LANCL2: variants seen among roughly 807,000 people sequenced by gnomAD.
The protein encoded by LANCL2 is lanC-like protein 2.
A neutral mutation model predicts 56.9 loss-of-function variants in LANCL2; 33 were observed. That is an observed-to-expected ratio of 0.58 (90% CI 0.44 to 0.78). The LOEUF is 0.78. Ranked by LOEUF, LANCL2 falls within the 30% of genes least tolerant of loss-of-function variation. The probability of loss-of-function intolerance (pLI) is 0.00; values close to 1 mark genes in which losing one functional copy is unlikely to be tolerated. For missense variants in LANCL2, 562 were observed against 580.2 expected, an observed-to-expected ratio of 0.97 and a Z score of 0.32; for synonymous variants, 233 against 228.2, an observed-to-expected ratio of 1.02 and a Z score of -0.19.
At chr7:55,381,233 C>A (rs1388487469) in intron 1 of LANCL2, among the ~76,000 whole-genome samples, 1 of 152,096 alleles carries the variant, frequency 6.6e-6, no homozygotes, top group Non-Finnish European at 1.5e-5. Context: ...TTTCTGTGTC[C>A]ACGTCTTTTA....
chr7:55,379,663 A>T (rs1790043553), intron 1 of LANCL2: 1 of 152,724 alleles, frequency 6.5e-6, no homozygotes. Flanking sequence ...CCAAAGGTCA[A>T]GACACAGGAG....
chr7:55,389,622 T>TGTCGCACCACTGCAC (rs1321339568), intron 1 of LANCL2, among the ~76,000 whole-genome samples: 306 of 152,336 alleles, frequency 2.0e-3, no homozygotes, highest in African/African-American at 6.9e-3. Context: ...CAGGAATTTC[T>TGTCGCACCACTGCAC]TCCTATTTAC....
At chr7:55,386,558 A>G (rs1790128352) in intron 1 of LANCL2, among the ~76,000 whole-genome samples, 1 of 152,156 alleles carries the variant, frequency 6.6e-6, no homozygotes, top group Non-Finnish European at 1.5e-5. Context: ...GCTAAGTTGT[A>G]GGTGTCTGGT....
intron 5 of LANCL2, among the ~76,000 whole-genome samples, chr7:55,408,677 A>G (rs1340942246): frequency 1.3e-5 from 2 of 151,582 alleles, no homozygotes; most frequent in Non-Finnish European, 2.9e-5. Context: ...TCAAAAAAAA[A>G]GAAAAAAAAA....
At chr7:55,366,495 C>T (rs972694039) in intron 1 of LANCL2, among the ~76,000 whole-genome samples, 1 of 152,224 alleles carries the variant, frequency 6.6e-6, no homozygotes, top group African/African-American at 2.4e-5. Flanking sequence ...CCTTCTTGGC[C>T]CGAGCGGCGC....
In LANCL2 at chr7:55,431,349, A is replaced by G. The variant is rs201472149; in HGVS notation, c.*29A>G. The G allele has an allele frequency of 2.6e-6, 4 of 1,556,324 alleles. No individual in the cohort carries two copies. The highest frequency in any genetic ancestry group is 1.7e-4 in the Middle Eastern group (1 of 5,870). ...GTGCAAAAAGACAACTAAAATACCC[A>G]TTTGGACCAAAAGCCACCAGATTGC... is the stretch of plus-strand genomic sequence containing the variant. On this transcript the variant is annotated 3_prime_UTR_variant, in exon 9 of 9. Transcript: ENST00000254770.
At chr7:55,381,593 T>G (rs1218254093) in intron 1 of LANCL2, among the ~76,000 whole-genome samples, 1 of 152,264 alleles carries the variant, frequency 6.6e-6, no homozygotes, top group Admixed American at 6.5e-5. Context: ...ACCTGCTATC[T>G]GTAGAACCAG....
intron 1 of LANCL2, among the ~76,000 whole-genome samples, chr7:55,380,510 A>G (rs1180738041): frequency 6.6e-6 from 1 of 152,200 alleles, no homozygotes; most frequent in East Asian, 1.9e-4. Flanking sequence ...TAAAACAACT[A>G]TAAAACTTGT....
chr7:55,404,759 A>C (rs1352746747), intron 5 of LANCL2, among the ~76,000 whole-genome samples: 2 of 152,046 alleles, frequency 1.3e-5, no homozygotes, highest in Non-Finnish European at 2.9e-5. Flanking sequence ...GATTACAGGC[A>C]TGCACCGCCA....
At chr7:55,379,201 GTTAGTAGCA>G (rs1442017902) in intron 1 of LANCL2, among the ~76,000 whole-genome samples, 1 of 152,116 alleles carries the variant, frequency 6.6e-6, no homozygotes, top group African/African-American at 2.4e-5. Context: ...GGAATGAAGG[GTTAGTAGCA>G]TATGCTTTGG....
intron 6 of LANCL2, among the ~76,000 whole-genome samples, chr7:55,424,478 T>A (rs1278202506): frequency 6.6e-6 from 1 of 152,200 alleles, no homozygotes; most frequent in East Asian, 1.9e-4. Flanking sequence ...ACTCTTGCCC[T>A]GCTAACAGGG....
At chr7:55,366,793 A>G (rs1789879092) in intron 1 of LANCL2, among the ~76,000 whole-genome samples, 1 of 152,182 alleles carries the variant, frequency 6.6e-6, no homozygotes, top group African/African-American at 2.4e-5. Flanking sequence ...AAAAACATAC[A>G]TCTCTTGAAT....
chr7:55,430,189 T>A (rs200493568), intron 8 of LANCL2, among the ~76,000 whole-genome samples: 2 of 152,374 alleles, frequency 1.3e-5, no homozygotes, highest in East Asian at 3.9e-4. Flanking sequence ...TAAACAAGTT[T>A]CTGGAACCTT....
chr7:55,408,744 T>C (rs918080937), intron 5 of LANCL2, among the ~76,000 whole-genome samples: 2 of 151,604 alleles, frequency 1.3e-5, no homozygotes, highest in Admixed American at 6.6e-5. Flanking sequence ...ACACAATGAG[T>C]GCAGACAGAC....
In LANCL2 at chr7:55,398,456, T is replaced by C. The variant is rs1287627786; in HGVS notation, c.356T>C (p.Val119Ala). ...IALLYLQLYR[V>A]TCDQTYLLRS... ...CTTTTGTACCTGCAGTTGTACCGGGTCACATGTGACCAAACCTACCTGCTC... is the reference window on the plus strand; with the variant it reads ...CTTTTGTACCTGCAGTTGTACCGGGCCACATGTGACCAAACCTACCTGCTC... The change falls in exon 3 of 9, where the codon GTC becomes GCC. Residue 119 changes from valine (V) to alanine (A), a missense_variant. Val to Ala is a moderately conservative substitution (Grantham distance 64). Coordinates refer to ENST00000254770, the MANE Select transcript of LANCL2 (RefSeq NM_018697.4). 1 of 1,613,952 alleles carries C rather than the reference T, an allele frequency of 6.2e-7. No individual in the cohort carries two copies. The highest frequency in any genetic ancestry group is 1.3e-5 in the African/African-American group (1 of 74,874).
intron 1 of LANCL2, among the ~76,000 whole-genome samples, chr7:55,380,974 C>T (rs147658073): frequency 0.013 from 2,024 of 150,560 alleles, 44 homozygotes; most frequent in African/African-American, 0.047. Flanking sequence ...TGGGTTCAAG[C>T]GATTCTCCTG....
At chr7:55,397,429 C>G (rs1790266570) in intron 2 of LANCL2, among the ~76,000 whole-genome samples, 1 of 145,490 alleles carries the variant, frequency 6.9e-6, no homozygotes, top group Non-Finnish European at 1.5e-5. Context: ...CTGCTGCACT[C>G]CAGCCTGGGC....
At chr7:55,419,387 T>A (rs1221470754) in intron 6 of LANCL2, among the ~76,000 whole-genome samples, 1 of 151,306 alleles carries the variant, frequency 6.6e-6, no homozygotes, top group Non-Finnish European at 1.5e-5. Context: ...ATAGTTTCTC[T>A]TTTGTTCTTT....
intron 1 of LANCL2, among the ~76,000 whole-genome samples, chr7:55,391,067 A>G (rs34568036): frequency 0.37 from 50,808 of 138,536 alleles, 9,377 homozygotes; most frequent in African/African-American, 0.44. Context: ...CCCAGGCTGG[A>G]GTGCAGTGGT....
Sources: gnomAD v4.1 joint callset for allele counts (sites outside exome capture counted in the v4.1 genomes callset) on GRCh38, gnomAD v4.1.1 for gene constraint, MANE v1.5 for transcripts, NCBI Gene and HGNC (gene_info 2026-07-23, HGNC 2026-07-21) for gene names.